The following RARB variants were observed in gnomAD, a reference collection of about 807,000 sequenced individuals.
RARB encodes HBV-activated protein.
In RARB, 17 loss-of-function variants were observed where a neutral mutation model predicts 51.9. The observed-to-expected ratio is 0.33, with a 90% CI of 0.22 to 0.49. The LOEUF (loss-of-function observed/expected upper bound fraction) is 0.49. Ranked by LOEUF, RARB falls within the 20% of genes least tolerant of loss-of-function variation. The pLI is 0.99. For synonymous variants in RARB, 215 were observed against 195.4 expected (o/e 1.10, Z -0.84); for missense variants, 369 against 550.8 (o/e 0.67, Z 3.30).
intron 3 of RARB, among the ~76,000 whole-genome samples, chr3:25,120,137 A>G (rs1012325295): frequency 8.5e-5 from 13 of 152,262 alleles, no homozygotes; most frequent in Middle Eastern, 3.4e-3. Flanking sequence ...TCTCCCAGGA[A>G]TTCTTAATAC....
chr3:25,294,080 C>T (rs1466419611), intron 5 of RARB, among the ~76,000 whole-genome samples: 1 of 152,150 alleles, frequency 6.6e-6, no homozygotes, highest in Non-Finnish European at 1.5e-5. Context: ...GAAAATGCAG[C>T]CTGTTTCCCA....
intron 2 of RARB, among the ~76,000 whole-genome samples, chr3:24,945,708 G>A (rs1695758875): frequency 6.6e-6 from 1 of 152,198 alleles, no homozygotes; most frequent in Admixed American, 6.5e-5. Flanking sequence ...ATCTTTATAT[G>A]CTGGCCTCCA....
chr3:24,974,050 C>T (rs4502548), intron 2 of RARB, among the ~76,000 whole-genome samples: 104,671 of 151,920 alleles, frequency 0.69, 36,881 homozygotes, highest in African/African-American at 0.84. Context: ...GAAAGGCTTT[C>T]AATTTTTCCC....
Position 25,596,882 on chromosome 3 carries a change from T to G in RARB, c.*266T>G, listed in dbSNP as rs1381742414. 2 of 307,538 alleles carry G rather than the reference T, an allele frequency of 6.5e-6. No homozygotes were observed. The highest frequency in any genetic ancestry group is 1.2e-5 in the Non-Finnish European group (2 of 166,320). 19.1% of individuals were successfully genotyped at this position (307,538 alleles called of 1,614,324 possible). On this transcript the variant is annotated 3_prime_UTR_variant, in exon 8 of 8. Transcript: ENST00000330688. ...AGCTTCTATTTTCCTCTTTGAACAC[T>G]CAAGATTGCATGGCAAAGACCCAGT...
upstream of RARB, among the ~76,000 whole-genome samples, chr3:25,425,227 T>C (rs917162598): frequency 6.6e-6 from 1 of 152,230 alleles, no homozygotes; most frequent in African/African-American, 2.4e-5. Flanking sequence ...CAAATCGGTC[T>C]ATTTTTCACT....
At chr3:25,317,563 G>A (rs1226936516) in intron 5 of RARB, among the ~76,000 whole-genome samples, 1 of 152,086 alleles carries the variant, frequency 6.6e-6, no homozygotes, top group South Asian at 2.1e-4. Flanking sequence ...AACATGGGTA[G>A]TAACCATTTA....
chr3:25,470,563 A>G (rs1308501354), intron 2 of RARB, among the ~76,000 whole-genome samples: 2 of 152,236 alleles, frequency 1.3e-5, no homozygotes, highest in African/African-American at 4.8e-5. Context: ...CTGGAAGGCA[A>G]GAGGACTCAG....
At chr3:25,376,503 C>T (rs1175325109) in intron 5 of RARB, among the ~76,000 whole-genome samples, 3 of 152,192 alleles carry the variant, frequency 2.0e-5, no homozygotes, top group African/African-American at 7.2e-5. Context: ...GTAAAACCAC[C>T]TGGGAGACTC....
intron 3 of RARB, among the ~76,000 whole-genome samples, chr3:25,121,759 T>A (rs1699787943): frequency 6.6e-6 from 1 of 152,226 alleles, no homozygotes; most frequent in Non-Finnish European, 1.5e-5. Flanking sequence ...TTATGTTTTT[T>A]AAATTTCTAC....
At chr3:25,434,995 C>T (rs1036872468) in intron 1 of RARB, among the ~76,000 whole-genome samples, 1 of 152,114 alleles carries the variant, frequency 6.6e-6, no homozygotes, top group African/African-American at 2.4e-5. Flanking sequence ...GATTTATTTT[C>T]ATTTTATTTT....
chr3:25,248,694 T>A (rs975054547), intron 5 of RARB, among the ~76,000 whole-genome samples: 5 of 152,204 alleles, frequency 3.3e-5, no homozygotes, highest in African/African-American at 4.8e-5. Flanking sequence ...CCTCCTTTTA[T>A]AAAGGATAAT....
intron 5 of RARB, among the ~76,000 whole-genome samples, chr3:25,400,981 G>C (rs533657667): frequency 1.3e-5 from 2 of 152,118 alleles, no homozygotes; most frequent in Non-Finnish European, 2.9e-5. Flanking sequence ...CAACCCCTCT[G>C]AAAAAGGAAA....
At chr3:24,902,345 A>G (rs987214939) in intron 2 of RARB, among the ~76,000 whole-genome samples, 3 of 152,190 alleles carry the variant, frequency 2.0e-5, no homozygotes. Flanking sequence ...GGTAGAATTT[A>G]AATTTCCAGG....
At chr3:25,295,477 G>A (rs1259549145) in intron 5 of RARB, among the ~76,000 whole-genome samples, 2 of 152,144 alleles carry the variant, frequency 1.3e-5, no homozygotes, top group Non-Finnish European at 2.9e-5. Flanking sequence ...CCACGACTGT[G>A]AGCAATAATT....
chr3:25,265,532 G>C (rs570630720), intron 5 of RARB, among the ~76,000 whole-genome samples: 4 of 152,236 alleles, frequency 2.6e-5, no homozygotes, highest in Admixed American at 1.3e-4. Context: ...CAGTGCAGTG[G>C]TGCAACCTCA....
intron 5 of RARB, among the ~76,000 whole-genome samples, chr3:25,209,752 C>G (rs1701645855): frequency 6.6e-6 from 1 of 152,150 alleles, no homozygotes; most frequent in African/African-American, 2.4e-5. Flanking sequence ...ACCAAGTTCT[C>G]AGACTTGCAA....
chr3:25,094,475 G>C (rs1699257310), intron 3 of RARB, among the ~76,000 whole-genome samples: 2 of 152,062 alleles, frequency 1.3e-5, no homozygotes, highest in Non-Finnish European at 2.9e-5. Flanking sequence ...TCAGCACTTT[G>C]GGAGGCCAAG....
chr3:25,131,664 A>G (rs1699956049), intron 3 of RARB, among the ~76,000 whole-genome samples: 1 of 151,968 alleles, frequency 6.6e-6, no homozygotes, highest in Admixed American at 6.6e-5. Flanking sequence ...GATCCTATTC[A>G]CCATAGGAAA....
intron 3 of RARB, among the ~76,000 whole-genome samples, chr3:25,569,384 C>A (rs1700623485): frequency 6.6e-6 from 1 of 152,200 alleles, no homozygotes; most frequent in South Asian, 2.1e-4. Context: ...CCTGACCCTT[C>A]CCTTACAATG....
Sources: allele counts gnomAD v4.1 joint callset (sites outside exome capture counted in the v4.1 genomes callset), GRCh38; gene constraint gnomAD v4.1.1; transcripts MANE v1.5; gene names NCBI Gene and HGNC (gene_info 2026-07-23, HGNC 2026-07-21).